Variants in MYO3B observed in about 807,000 individuals in gnomAD.
MYO3B encodes the protein myosin IIIB.
Under a neutral mutation model 174.6 loss-of-function variants are expected in MYO3B, and 156 were observed. The ratio of observed to expected loss-of-function variants is 0.89; its 90% CI spans 0.78 to 1.02. The LOEUF (loss-of-function observed/expected upper bound fraction) is 1.02, where lower values mean the gene tolerates loss of function less well. MYO3B is among the 50% of genes least tolerant of loss of function. MYO3B has a pLI of 0.00. For missense variants in MYO3B, 1,632 were observed against 1,639.4 expected (o/e 1.00, Z 0.08); for synonymous variants, 563 against 569.1 (o/e 0.99, Z 0.15).
intron 25 of MYO3B, among the ~76,000 whole-genome samples, chr2:170,472,665 C>CTTTTTTTT (rs1158863313): frequency 1.4e-5 from 2 of 144,274 alleles, no homozygotes; most frequent in East Asian, 4.0e-4. Flanking sequence ...TTTCAGCTCA[C>CTTTTTTTT]TTTTTATCTA....
intron 9 of MYO3B, among the ~76,000 whole-genome samples, chr2:170,370,137 G>A (rs921388797): frequency 1.6e-4 from 24 of 152,224 alleles, no homozygotes; most frequent in Admixed American, 4.6e-4. Flanking sequence ...AAATAAACCT[G>A]CTTCCTATGC....
At chr2:170,211,323 C>G (rs974613677) in intron 3 of MYO3B, among the ~76,000 whole-genome samples, 1 of 152,138 alleles carries the variant, frequency 6.6e-6, no homozygotes, top group Non-Finnish European at 1.5e-5. Flanking sequence ...TTAAATAAAC[C>G]ATAACTTGGA....
At chr2:170,458,998 T>C (rs1244160276) in intron 23 of MYO3B, among the ~76,000 whole-genome samples, 2 of 152,160 alleles carry the variant, frequency 1.3e-5, no homozygotes, top group African/African-American at 4.8e-5. Flanking sequence ...CCAGAGTTTG[T>C]TTGTTCCTCC....
chr2:170,569,580 G>A (rs887618877), intron 32 of MYO3B, among the ~76,000 whole-genome samples: 37 of 149,362 alleles, frequency 2.5e-4, no homozygotes, highest in Non-Finnish European at 8.9e-5. Context: ...ACCGAGAGTT[G>A]GCTGGGTGAG....
At chr2:170,476,078 C>CT (rs1231832407) in intron 25 of MYO3B, among the ~76,000 whole-genome samples, 3 of 152,072 alleles carry the variant, frequency 2.0e-5, no homozygotes, top group Non-Finnish European at 4.4e-5. Flanking sequence ...CCCTGTCCCC[C>CT]CCCACAGGAC....
At chr2:170,217,564 C>A (rs558510041) in intron 6 of MYO3B, among the ~76,000 whole-genome samples, 169 bp downstream of exon 6, 35 of 152,306 alleles carry the variant, frequency 2.3e-4, no homozygotes, top group African/African-American at 8.2e-4. Flanking sequence ...TGAGATGTAA[C>A]CTCAGAAAAG....
chr2:170,267,205 A>C (rs987370140), intron 7 of MYO3B, among the ~76,000 whole-genome samples: 1 of 152,210 alleles, frequency 6.6e-6, no homozygotes, highest in Non-Finnish European at 1.5e-5. Flanking sequence ...AGCCTGACAG[A>C]GGCTCTGCCA....
At chr2:170,421,948 GC>G (rs1236507213) in intron 22 of MYO3B, among the ~76,000 whole-genome samples, 2 of 152,090 alleles carry the variant, frequency 1.3e-5, no homozygotes, top group East Asian at 3.9e-4. Context: ...AATTCTCCAT[GC>G]AGTTTCTCCT....
At chr2:170,399,634 G>A (rs1345836232) in intron 16 of MYO3B, among the ~76,000 whole-genome samples, 1 of 152,080 alleles carries the variant, frequency 6.6e-6, no homozygotes, top group Admixed American at 6.6e-5. Flanking sequence ...TAGGAGCCAT[G>A]AATGAATGTC....
intron 22 of MYO3B, among the ~76,000 whole-genome samples, chr2:170,437,443 G>A (rs1399752322): frequency 6.6e-6 from 1 of 152,076 alleles, no homozygotes; most frequent in African/African-American, 2.4e-5. Flanking sequence ...AAAGCAGGCT[G>A]TAAGACTCTC....
chr2:170,624,574 T>C (rs897999497), intron 32 of MYO3B, among the ~76,000 whole-genome samples: 2 of 152,210 alleles, frequency 1.3e-5, no homozygotes, highest in African/African-American at 4.8e-5. Context: ...TCCTGCCTGA[T>C]TGCCCTGGCC....
intron 19 of MYO3B, 111 bp downstream of exon 19, chr2:170,403,106 A>G (rs1290739838): frequency 1.9e-6 from 2 of 1,041,764 alleles, no homozygotes; most frequent in Non-Finnish European, 2.7e-6. Flanking sequence ...CCCTAGAGAG[A>G]AAATAGGGTA....
At chr2:170,199,137 T>C (rs1283432075) in intron 1 of MYO3B, 71 bp from the exon 2 acceptor site, 1 of 1,071,414 alleles carries the variant, frequency 9.3e-7, no homozygotes, top group Non-Finnish European at 1.3e-6. Context: ...AATAAAAATC[T>C]TTTTGTTTCA....
intron 22 of MYO3B, among the ~76,000 whole-genome samples, chr2:170,443,244 A>C (rs1282642799): frequency 6.6e-6 from 1 of 152,234 alleles, no homozygotes; most frequent in Non-Finnish European, 1.5e-5. Context: ...TCTGATGGCC[A>C]GTGATGATGA....
intron 30 of MYO3B, among the ~76,000 whole-genome samples, chr2:170,534,441 GTT>G (rs1296733652): frequency 6.6e-6 from 1 of 152,032 alleles, no homozygotes; most frequent in East Asian, 1.9e-4. Flanking sequence ...TGGGTGTCCT[GTT>G]TTTTTGTTTG....
chr2:170,490,298 G>T (rs1246847205), intron 25 of MYO3B, among the ~76,000 whole-genome samples: 1 of 152,064 alleles, frequency 6.6e-6, no homozygotes, highest in Non-Finnish European at 1.5e-5. Context: ...AAAGTGCTGG[G>T]ATTACAGGCG....
rs540496287 is a variant in MYO3B, at chr2:170,476,774, A to G, written c.3014+10063A>G. ...GGAATACCTGTCCTTATTTAGGGCC[A>G]TGGGTATTCAGACTTGAGGGTGGGA... On this transcript the variant is annotated intron_variant, in intron 25 of 34. Transcript: ENST00000408978. Among the ~76,000 whole-genome samples, 4 of 152,136 alleles carry G rather than the reference A, an allele frequency of 2.6e-5. 1 individual carries two copies. The highest frequency in any genetic ancestry group is 7.2e-5 in the African/African-American group (3 of 41,514).
At chr2:170,575,365 A>G (rs558555730) in intron 32 of MYO3B, among the ~76,000 whole-genome samples, 1 of 152,302 alleles carries the variant, frequency 6.6e-6, no homozygotes, top group African/African-American at 2.4e-5. Flanking sequence ...GAAAGAAACC[A>G]GAGAGTCAAT....
intron 7 of MYO3B, among the ~76,000 whole-genome samples, chr2:170,304,273 T>C (rs1218679268): frequency 6.6e-6 from 1 of 152,110 alleles, no homozygotes; most frequent in Non-Finnish European, 1.5e-5. Flanking sequence ...ACCATTTTCT[T>C]ACATTTTTAT....
Sources: allele counts gnomAD v4.1 joint callset (sites outside exome capture counted in the v4.1 genomes callset), GRCh38; gene constraint gnomAD v4.1.1; transcripts MANE v1.5; gene names NCBI Gene and HGNC (gene_info 2026-07-23, HGNC 2026-07-21).